ZNF558: variants seen among roughly 807,000 people sequenced by gnomAD.
The protein encoded by ZNF558 is zinc finger protein 558.
Under a neutral mutation model 37.6 loss-of-function variants are expected in ZNF558, and 23 were observed. The observed-to-expected ratio is 0.61, with a 90% CI of 0.44 to 0.87. ZNF558 has a LOEUF of 0.87. Among genes scored for constraint, ZNF558 ranks in the 40% least tolerant of loss-of-function variants. The pLI is 0.00. For synonymous variants in ZNF558, 189 were observed against 174.4 expected, an observed-to-expected ratio of 1.08 and a Z score of -0.66; for missense variants, 429 against 483.7, an observed-to-expected ratio of 0.89 and a Z score of 1.06.
chr19:8,827,131 G>A (rs1008174905), intron 2 of ZNF558, among the ~76,000 whole-genome samples: 1 of 147,184 alleles, frequency 6.8e-6, no homozygotes, highest in African/African-American at 2.7e-5. Flanking sequence ...ACTAGGACAG[G>A]AGGGGTCTCT....
At chr19:8,827,005 G>T (rs191174158) in intron 2 of ZNF558, among the ~76,000 whole-genome samples, 2 of 152,246 alleles carry the variant, frequency 1.3e-5, no homozygotes, top group Admixed American at 6.5e-5. Context: ...AGTGAGGGGG[G>T]GTTGGCCTCC....
rs1466416341 is a variant in ZNF558 at position 8,807,325 on chromosome 19, T to C, written c.*3956A>G. On this transcript the variant is annotated 3_prime_UTR_variant, in exon 10 of 10. Coordinates refer to ENST00000601372, the MANE Select transcript of ZNF558 (RefSeq NM_144693.3). Reference sequence around the variant, plus strand: ...CTGGGTGCTTTACAACTTTTTGTGGTTTCCCTGGATCCTGTCCACAGGACT... The same window carrying C: ...CTGGGTGCTTTACAACTTTTTGTGGCTTCCCTGGATCCTGTCCACAGGACT... 6.6e-6 allele frequency: 1 copy of C among 152,342 alleles called. No homozygotes were observed. Among genetic ancestry groups the C allele is most frequent in the Non-Finnish European group, 1.5e-5 (1 of 68,156 alleles). The allele number at this position is 152,342 out of a possible 1,614,324, so 9.4% of individuals were successfully genotyped here.
chr19:8,828,063 T>C (rs1000326254), intron 2 of ZNF558, among the ~76,000 whole-genome samples: 3 of 152,166 alleles, frequency 2.0e-5, no homozygotes, highest in African/African-American at 7.2e-5. Flanking sequence ...AACTTGGAGA[T>C]GGAGCAGCAA....
At chr19:8,814,359 C>T (rs1221331417) in intron 7 of ZNF558, among the ~76,000 whole-genome samples, 1 of 152,086 alleles carries the variant, frequency 6.6e-6, no homozygotes, top group East Asian at 1.9e-4. Flanking sequence ...TCTTTCAGGA[C>T]TGAGCTGGTT....
chr19:8,822,834 G>T lies in ZNF558; in HGVS notation c.-65-110C>A, dbSNP rs959730735. ...CCATCCTTCTTCAAATGCAAGTTCCGGCTTCCACACTGGGCCTTTATTTTG... is the reference window on the plus strand; with the variant it reads ...CCATCCTTCTTCAAATGCAAGTTCCTGCTTCCACACTGGGCCTTTATTTTG... On this transcript the variant is annotated intron_variant, in intron 4 of 9. Coordinates refer to ENST00000601372, the MANE Select transcript of ZNF558 (RefSeq NM_144693.3). This position sits in a 1 kb window ranked among gnomAD's most constrained non-coding sequence, Gnocchi z 4.4. The T allele has an allele frequency of 3.1e-6, 3 of 973,276 alleles. No homozygotes were observed. Among genetic ancestry groups the T allele is most frequent in the East Asian group, 2.6e-5 (1 of 38,178 alleles). The allele number at this position is 973,276 out of a possible 1,614,324, so 60.3% of individuals were successfully genotyped here. A position where few individuals can be genotyped will look rare whatever the true frequency, so the allele number is the denominator to read the frequency against.
Position 8,809,345 on chromosome 19 carries a change from A to G in ZNF558, c.*1936T>C, listed in dbSNP as rs1483203990. ...TGACTTCGACTTACTTCTCATTGCC[A>G]GGGGAGTGCGAAAAAACCCGCCTGG... On this transcript the variant is annotated 3_prime_UTR_variant, in exon 10 of 10. Coordinates refer to ENST00000601372, the MANE Select transcript of ZNF558 (RefSeq NM_144693.3). The G allele has an allele frequency of 3.9e-5, 6 of 152,216 alleles. No individual in the cohort carries two copies. The highest frequency in any genetic ancestry group is 7.3e-5 in the Non-Finnish European group (5 of 68,038). The allele number at this position is 152,216 out of a possible 1,614,324, so 9.4% of individuals were successfully genotyped here.
chr19:8,837,550 G>A, the ZNF558 span, among the ~76,000 whole-genome samples: 4 of 152,226 alleles, frequency 2.6e-5, no homozygotes, highest in East Asian at 7.7e-4. Flanking sequence ...TTTCTGCCTC[G>A]AATGGGGGTG....
intron 2 of ZNF558, among the ~76,000 whole-genome samples, chr19:8,827,760 G>A (rs1303999368): frequency 6.6e-6 from 1 of 151,980 alleles, no homozygotes; most frequent in African/African-American, 2.4e-5. Context: ...TTTTAGTAGA[G>A]ACGGGGTTTC....
chr19:8,816,961 T>C (rs1415177675), intron 7 of ZNF558, among the ~76,000 whole-genome samples: 1 of 152,036 alleles, frequency 6.6e-6, no homozygotes, highest in African/African-American at 2.4e-5. Flanking sequence ...TTAAACTAGA[T>C]TGTTATAAAT....
At position 8,816,055 on chromosome 19, in the gene ZNF558, AACAC is replaced by A. The variant is rs112370625; in HGVS notation, c.248-2837_248-2834del. ...TTGAAAAAATAGAGATTCATACTGA[AACAC>A]ACACACACACACACACACATTTTTT... is the stretch of plus-strand genomic sequence containing the variant. On this transcript the variant is annotated intron_variant, in intron 7 of 9. Transcript: ENST00000601372. Among the ~76,000 whole-genome samples, 43 of 150,034 alleles carry A rather than the reference AACAC, an allele frequency of 2.9e-4. No homozygotes were observed. In the East Asian group the frequency reaches 4.0e-3, roughly 14 times the overall value.
chr19:8,813,007 G>A lies in ZNF558; in HGVS notation c.343+120C>T, dbSNP rs189511286. The stretch of plus-strand genomic sequence containing the variant: ...ACACCAAATGTTCTCGTGCATGTTT[G>A]TCAGGAACAGGGTATTTTACAAAGT... On this transcript the variant is annotated intron_variant, in intron 8 of 9. Coordinates refer to ENST00000601372, the MANE Select transcript of ZNF558 (RefSeq NM_144693.3). The A allele has an allele frequency of 1.4e-4, 102 of 748,788 alleles. 1 individual carries two copies. In the Admixed American group the frequency reaches 1.9e-3, roughly 14 times the overall value. The allele number at this position is 748,788 out of a possible 1,614,324, so 46.4% of individuals were successfully genotyped here.
intron 2 of ZNF558, among the ~76,000 whole-genome samples, chr19:8,826,056 A>G (rs1487333394): frequency 6.6e-6 from 1 of 152,110 alleles, no homozygotes; most frequent in Non-Finnish European, 1.5e-5. Flanking sequence ...ATACAGAGAG[A>G]CTGGAAGATG....
At chr19:8,816,278 G>C (rs2043937756) in intron 7 of ZNF558, among the ~76,000 whole-genome samples, 2 of 152,076 alleles carry the variant, frequency 1.3e-5, no homozygotes, top group African/African-American at 4.8e-5. Context: ...GCCCAGGCTG[G>C]TCTCATACTC....
At chr19:8,835,721 C>T (rs2044448384), upstream of ZNF558, among the ~76,000 whole-genome samples, 1 of 152,176 alleles carries the variant, frequency 6.6e-6, no homozygotes, top group African/African-American at 2.4e-5. Flanking sequence ...ACAGCTTGTA[C>T]ATGAATGTTC....
At chr19:8,831,435 C>T (rs559108276) in intron 1 of ZNF558, 34 bp from the exon 2 acceptor site, 5 of 150,988 alleles carry the variant, frequency 3.3e-5, no homozygotes, top group Admixed American at 6.6e-5. Context: ...AGATTTCTTT[C>T]GAGGCTTTGT....
chr19:8,823,297 C>T (rs1021505493), intron 4 of ZNF558, among the ~76,000 whole-genome samples: 2 of 145,990 alleles, frequency 1.4e-5, no homozygotes, highest in Admixed American at 7.2e-5. Flanking sequence ...CTCCTTTTTT[C>T]TCTCACCGCA....
upstream of ZNF558, chr19:8,832,657 G>A (rs2044391125): frequency 6.5e-6 from 1 of 152,814 alleles, no homozygotes; most frequent in African/African-American, 2.4e-5. Flanking sequence ...AGGCCTGGAG[G>A]GCGAGGCTGA....
At position 8,811,206 on chromosome 19, in the gene ZNF558, C is replaced by T. The variant is rs538281313; in HGVS notation, c.*75G>A. The T allele has an allele frequency of 5.6e-6, 8 of 1,417,170 alleles. No homozygotes were observed. In the Admixed American group the frequency reaches 1.4e-4, roughly 25 times the overall value. The allele number at this position is 1,417,170 out of a possible 1,614,324, so 87.8% of individuals were successfully genotyped here. Reference sequence around the variant, plus strand: ...TGCTGCAACAAATAACTTATATATCCAGTGTGAGCTCTCTCAAACTATCTT... The same window carrying T: ...TGCTGCAACAAATAACTTATATATCTAGTGTGAGCTCTCTCAAACTATCTT... On this transcript the variant is annotated 3_prime_UTR_variant, in exon 10 of 10. Coordinates refer to ENST00000601372, the MANE Select transcript of ZNF558 (RefSeq NM_144693.3).
chr19:8,826,230 T>C lies in ZNF558; in HGVS notation c.-508-1122A>G, dbSNP rs535652848. ...GACTGGTTTCGTGGAAGACAATTTT[T>C]CCATGGAGCACGGGGCGGCAGTGGG... On this transcript the variant is annotated intron_variant, in intron 2 of 9. Coordinates refer to ENST00000601372, the MANE Select transcript of ZNF558 (RefSeq NM_144693.3). Among the ~76,000 whole-genome samples, 77 of 152,224 alleles carry C rather than the reference T, an allele frequency of 5.1e-4. 2 individuals are homozygous for C. Among genetic ancestry groups the C allele is most frequent in the South Asian group, 3.3e-3 (16 of 4,820 alleles).
Sources: gnomAD v4.1 joint callset for allele counts (sites outside exome capture counted in the v4.1 genomes callset) on GRCh38, gnomAD v4.1.1 for gene constraint, Gnocchi (gnomAD v3.1) non-coding constraint, MANE v1.5 for transcripts, NCBI Gene and HGNC (gene_info 2026-07-23, HGNC 2026-07-21) for gene names.